Variants in CCNT1 observed in about 807,000 individuals in gnomAD.
CCNT1 encodes cyclin T1.
Under a neutral mutation model 67.3 loss-of-function variants are expected in CCNT1, and 18 were observed. That is an observed-to-expected ratio of 0.27 (90% CI 0.18 to 0.40). The LOEUF (loss-of-function observed/expected upper bound fraction) is 0.40. Ranked by LOEUF, CCNT1 falls within the 10% of genes least tolerant of loss-of-function variation. The pLI, the probability that CCNT1 is intolerant of heterozygous loss-of-function variation, is 1.00. For missense variants in CCNT1, 744 were observed against 884.9 expected, an observed-to-expected ratio of 0.84 and a Z score of 2.02; for synonymous variants, 333 against 310.3, an observed-to-expected ratio of 1.07 and a Z score of -0.77.
intron 5 of CCNT1, among the ~76,000 whole-genome samples, chr12:48,698,449 C>A (rs1372114405): frequency 1.3e-5 from 2 of 152,112 alleles, no homozygotes; most frequent in Non-Finnish European, 1.5e-5. Context: ...ATCTGAGGTA[C>A]TTGTTTAAAT....
chr12:48,698,202 A>AT lies in CCNT1; in HGVS notation c.497-20_497-19insA. 6.5e-7 allele frequency: 1 copy of AT among 1,537,372 alleles called. No homozygotes were observed. Among genetic ancestry groups the AT allele is most frequent in the Non-Finnish European group, 8.8e-7 (1 of 1,136,680 alleles). ...TTGCTTGCTAAAGAAAAAAAAAAAA[A>AT]GTCAGGGGTGGGGGAGGAAAAAAGT... On this transcript the variant is annotated intron_variant, in intron 5 of 8. Transcript: ENST00000261900.
At position 48,695,612 on chromosome 12, in the gene CCNT1, C is replaced by G. The variant is rs530042204; in HGVS notation, c.777+147G>C. The G allele has an allele frequency of 4.8e-6, 3 of 620,480 alleles. No homozygotes were observed. In the African/African-American group the frequency reaches 5.6e-5, roughly 11 times the overall value. The allele number at this position is 620,480 out of a possible 1,614,324, so 38.4% of individuals were successfully genotyped here. A position where few individuals can be genotyped will look rare whatever the true frequency, so the allele number is the denominator to read the frequency against. The stretch of plus-strand genomic sequence containing the variant: ...GAGACACTGACTTTTACAACAGTAT[C>G]CAAGGTATGAAGTAGAAGTCATGAT... On this transcript the variant is annotated intron_variant, in intron 8 of 8. Coordinates refer to ENST00000261900, the MANE Select transcript of CCNT1 (RefSeq NM_001240.4).
At chr12:48,708,514 T>C (rs1355271548) in intron 2 of CCNT1, among the ~76,000 whole-genome samples, 1 of 149,128 alleles carries the variant, frequency 6.7e-6, no homozygotes, top group Admixed American at 6.7e-5. Flanking sequence ...GCCATTGCAC[T>C]CCAACCTGGG....
At chr12:48,710,762 G>A (rs568265005) in intron 2 of CCNT1, among the ~76,000 whole-genome samples, 57 of 152,288 alleles carry the variant, frequency 3.7e-4, no homozygotes, top group Non-Finnish European at 5.9e-4. Context: ...AAGCTTAACA[G>A]ATAAGAAATA....
chr12:48,706,622 C>A (rs563869630), intron 2 of CCNT1, among the ~76,000 whole-genome samples: 1 of 152,084 alleles, frequency 6.6e-6, no homozygotes, highest in East Asian at 1.9e-4. Context: ...GCCTGGTGAT[C>A]TTGGAAACTT....
Position 48,692,957 on chromosome 12 carries a change from T to A in CCNT1, c.*76A>T. ...AGGATGACATATTTCATAAGTAATTTTCTTAGTCCAAAAAAAAAAAAGAAA... is the reference window on the plus strand; with the variant it reads ...AGGATGACATATTTCATAAGTAATTATCTTAGTCCAAAAAAAAAAAAGAAA... On this transcript the variant is annotated 3_prime_UTR_variant, in exon 9 of 9. Coordinates refer to ENST00000261900, the MANE Select transcript of CCNT1 (RefSeq NM_001240.4). The A allele has an allele frequency of 3.3e-6, 3 of 917,246 alleles. No individual in the cohort carries two copies. The highest frequency in any genetic ancestry group is 4.9e-6 in the Non-Finnish European group (3 of 618,020). 56.8% of individuals were successfully genotyped at this position (917,246 alleles called of 1,614,324 possible). A position where few individuals can be genotyped will look rare whatever the true frequency, so the allele number is the denominator to read the frequency against.
rs747368605 is a variant in CCNT1, at chr12:48,696,041, A to G, written c.664T>C (p.Trp222Arg). The G allele has an allele frequency of 6.2e-7, 1 of 1,614,004 alleles. No homozygotes were observed. Among genetic ancestry groups the G allele is most frequent in the East Asian group, 2.2e-5 (1 of 44,872 alleles). Residue 222 changes from tryptophan (W) to arginine (R), a missense_variant, in exon 7 of 9, where the codon TGG (tryptophan) becomes CGG (arginine). Transcript: ENST00000261900. ...IPVSTDGKHW[W>R]EYVDATVTLE... ...GTCACAGTGGCGTCAACATACTCCC[A>G]CCAGTGCTTCCCGTCAGTTGAGACT...
Position 48,694,221 on chromosome 12 carries a change from G to C in CCNT1, c.993C>G (p.Gly331=). The change falls in exon 9 of 9, where the codon GGC becomes GGG. Residue 331 remains glycine, a synonymous_variant. Coordinates refer to ENST00000261900, the MANE Select transcript of CCNT1 (RefSeq NM_001240.4). ...SNLTSVEMLP[G]KRWLSSQPSF... is the part of the protein sequence containing the mutation. Reference sequence around the variant, plus strand: ...AAGGTTGGGAGGACAGCCAACGCTTGCCCGGCAACATCTCCACACTGGTTA... The same window carrying C: ...AAGGTTGGGAGGACAGCCAACGCTTCCCCGGCAACATCTCCACACTGGTTA... 2 of 1,614,192 alleles carry C rather than the reference G, an allele frequency of 1.2e-6. No individual in the cohort carries two copies. Among genetic ancestry groups the C allele is most frequent in the Non-Finnish European group, 1.7e-6 (2 of 1,180,020 alleles).
intron 3 of CCNT1, 113 bp downstream of exon 3, chr12:48,705,655 G>C: frequency 1.2e-6 from 1 of 820,478 alleles, no homozygotes; most frequent in Non-Finnish European, 1.9e-6. Flanking sequence ...ATAAATCGAA[G>C]TTATAAAATT....
intron 6 of CCNT1, among the ~76,000 whole-genome samples, chr12:48,697,330 G>C (rs939710736): frequency 6.6e-6 from 1 of 151,606 alleles, no homozygotes; most frequent in African/African-American, 2.4e-5. Flanking sequence ...GACCAGCCTA[G>C]TCAACATAGC....
chr12:48,693,118 G>A lies in CCNT1; in HGVS notation c.2096C>T (p.Ser699Phe). Residue 699 changes from serine to phenylalanine, a missense_variant, in exon 9 of 9, where the codon TCC becomes TTC. Physicochemically the swap from Ser to Phe is radical, Grantham distance 155 (BLOSUM62 -2). Coordinates refer to ENST00000261900, the MANE Select transcript of CCNT1 (RefSeq NM_001240.4). ...DYLNPRSGGI[S>F]SRSGNTDKPR... ...TTTGTCTGTATTGCCAGATCTCGAGGAGATTCCACCAGACCGAGGATTCAG... is the reference window on the plus strand; with the variant it reads ...TTTGTCTGTATTGCCAGATCTCGAGAAGATTCCACCAGACCGAGGATTCAG... The A allele has an allele frequency of 6.2e-7, 1 of 1,614,122 alleles. No individual in the cohort carries two copies. The highest frequency in any genetic ancestry group is 8.5e-7 in the Non-Finnish European group (1 of 1,180,008).
intron 2 of CCNT1, among the ~76,000 whole-genome samples, chr12:48,713,554 C>T (rs1025136949): frequency 3.3e-5 from 5 of 152,180 alleles, no homozygotes; most frequent in Non-Finnish European, 2.9e-5. Flanking sequence ...AAGGCGGAGG[C>T]GGAAGGATCC....
At position 48,692,651 on chromosome 12, in the gene CCNT1, T is replaced by G. The variant is rs181579571; in HGVS notation, c.*382A>C. On this transcript the variant is annotated 3_prime_UTR_variant, in exon 9 of 9. Coordinates refer to ENST00000261900, the MANE Select transcript of CCNT1 (RefSeq NM_001240.4). ...CGTTTAAATACTTCCTCTCTTCTGA[T>G]ATATTAAACACCGAAAGGATCCACA... 9.3e-5 allele frequency: 16 copies of G among 172,316 alleles called. No homozygotes were observed. The highest frequency in any genetic ancestry group is 3.4e-4 in the Admixed American group (6 of 17,862). 10.7% of individuals were successfully genotyped at this position (172,316 alleles called of 1,614,324 possible). A position where few individuals can be genotyped will look rare whatever the true frequency, so the allele number is the denominator to read the frequency against.
At chr12:48,710,992 C>T (rs1260142227) in intron 2 of CCNT1, among the ~76,000 whole-genome samples, 4 of 151,728 alleles carry the variant, frequency 2.6e-5, no homozygotes, top group Non-Finnish European at 5.9e-5. Context: ...ACCCAGGAGG[C>T]GGAGGTTGCA....
rs778472029 is a variant in CCNT1, at chr12:48,693,868, C to G, written c.1346G>C (p.Arg449Pro). ...TTTGTCAGCCTTTTCCAGAAAAGGC[C>G]GCTCGGGGTTTTCTGAACCCTCTAT... ...MPIEGSENPERPFLEKADKTA... is the reference protein window; with the variant it reads ...MPIEGSENPEPPFLEKADKTA... Residue 449 changes from arginine (R) to proline (P), a missense_variant, in exon 9 of 9, where the codon CGG (arginine) becomes CCG (proline). Around this residue, in one of 3 missense-constraint regions of CCNT1, gnomAD observed 564 missense variants for 574.2 expected, o/e 0.98. Coordinates refer to ENST00000261900, the MANE Select transcript of CCNT1 (RefSeq NM_001240.4). The G allele has an allele frequency of 6.2e-7, 1 of 1,613,830 alleles. No homozygotes were observed. The highest frequency in any genetic ancestry group is 1.3e-5 in the African/African-American group (1 of 74,874).
intron 2 of CCNT1, among the ~76,000 whole-genome samples, chr12:48,710,746 C>CT (rs1166651024): frequency 6.6e-6 from 1 of 152,170 alleles, no homozygotes; most frequent in Non-Finnish European, 1.5e-5. Flanking sequence ...AATCTCTGTC[C>CT]TTGTTAAGCT....
intron 2 of CCNT1, among the ~76,000 whole-genome samples, chr12:48,713,661 G>A (rs1157302744): frequency 6.6e-6 from 1 of 152,160 alleles, no homozygotes; most frequent in Non-Finnish European, 1.5e-5. Flanking sequence ...TGGCAAGCCT[G>A]TGGTCCCAGT....
At chr12:48,705,499 C>T (rs1940342231) in intron 3 of CCNT1, 1 of 332,804 alleles carries the variant, frequency 3.0e-6, no homozygotes, top group South Asian at 4.3e-5. Flanking sequence ...TCTTAAACTT[C>T]TGGCCTAAAG....
At chr12:48,703,312 G>A (rs775469919) in intron 3 of CCNT1, among the ~76,000 whole-genome samples, 1 of 151,624 alleles carries the variant, frequency 6.6e-6, no homozygotes, top group Non-Finnish European at 1.5e-5. Context: ...GGTGGCTCAC[G>A]CCTATAATCC....
Sources: gnomAD v4.1 joint callset for allele counts (sites outside exome capture counted in the v4.1 genomes callset) on GRCh38, gnomAD v4.1.1 for gene constraint, gnomAD v4.1.1 regional missense constraint, MANE v1.5 for transcripts, NCBI Gene and HGNC (gene_info 2026-07-23, HGNC 2026-07-21) for gene names.